Variants in ALK observed in about 807,000 individuals in gnomAD.
ALK encodes ALK receptor tyrosine kinase, also known as ALK tyrosine kinase receptor.
ALK carries 74 observed loss-of-function variants against 163.1 expected under a neutral mutation model. The observed-to-expected ratio is 0.45, with a 90% CI of 0.38 to 0.55. ALK has a LOEUF of 0.55. Among genes scored for constraint, ALK ranks in the 20% least tolerant of loss-of-function variants. ALK has a pLI of 0.00. For synonymous variants in ALK, 960 were observed against 843.2 expected, an observed-to-expected ratio of 1.14 and a Z score of -2.40; for missense variants, 2,063 against 2,105.3, an observed-to-expected ratio of 0.98 and a Z score of 0.39.
At chr2:29,843,957 C>A (rs1365518997) in intron 1 of ALK, among the ~76,000 whole-genome samples, 3 of 151,874 alleles carry the variant, frequency 2.0e-5, no homozygotes, top group Admixed American at 2.0e-4. Flanking sequence ...TAATTAATCT[C>A]AAAAACAGAG....
chr2:29,903,022 A>C (rs985604558), intron 1 of ALK, among the ~76,000 whole-genome samples: 9 of 152,230 alleles, frequency 5.9e-5, no homozygotes, highest in African/African-American at 1.7e-4. Flanking sequence ...TTAAATGAAG[A>C]TCATGAAACT....
At chr2:29,212,487 G>C (rs1669491393) in intron 24 of ALK, among the ~76,000 whole-genome samples, 2 of 152,170 alleles carry the variant, frequency 1.3e-5, no homozygotes, top group African/African-American at 4.8e-5. Flanking sequence ...GAAGCAGTAT[G>C]ACCTGCAAGT....
chr2:29,669,218 G>A (rs1387076058), intron 3 of ALK, among the ~76,000 whole-genome samples: 2 of 151,980 alleles, frequency 1.3e-5, no homozygotes, highest in Non-Finnish European at 2.9e-5. Context: ...ACTATTATTG[G>A]ACTGTAGTCT....
At chr2:29,507,278 C>T (rs747841338) in intron 4 of ALK, among the ~76,000 whole-genome samples, 6 of 152,132 alleles carry the variant, frequency 3.9e-5, no homozygotes, top group Non-Finnish European at 5.9e-5. Flanking sequence ...AATCACAAAA[C>T]GACAAATACC....
intron 5 of ALK, among the ~76,000 whole-genome samples, chr2:29,355,176 T>C (rs1668218015): frequency 6.6e-6 from 1 of 152,198 alleles, no homozygotes; most frequent in Admixed American, 6.5e-5. Flanking sequence ...CACAGTTGAG[T>C]AGAGATTAAC....
chr2:29,475,180 C>A (rs114022529), intron 4 of ALK, among the ~76,000 whole-genome samples: 2 of 152,098 alleles, frequency 1.3e-5, no homozygotes, highest in Non-Finnish European at 2.9e-5. Context: ...AGGCAGTGGG[C>A]GAGGTCAGAG....
chr2:29,838,347 A>G (rs529354953), intron 1 of ALK, among the ~76,000 whole-genome samples: 27 of 152,306 alleles, frequency 1.8e-4, no homozygotes, highest in African/African-American at 5.3e-4. Context: ...GATGAAAAAT[A>G]CAAATCTACA....
At chr2:29,677,070 T>G (rs1208358128) in intron 3 of ALK, among the ~76,000 whole-genome samples, 1 of 152,098 alleles carries the variant, frequency 6.6e-6, no homozygotes, top group Non-Finnish European at 1.5e-5. Context: ...ATTCATCTTA[T>G]CTGCTAATAA....
At chr2:29,320,655 G>T (rs1667004676) in intron 7 of ALK, 96 bp downstream of exon 7, 3 of 1,558,012 alleles carry the variant, frequency 1.9e-6, no homozygotes, top group Admixed American at 3.3e-5. Flanking sequence ...ACCCGAGCTT[G>T]CCCTGCAGGT....
intron 1 of ALK, among the ~76,000 whole-genome samples, chr2:29,885,612 G>A (rs1171921049): frequency 1.3e-5 from 2 of 151,740 alleles, no homozygotes; most frequent in Non-Finnish European, 2.9e-5. Context: ...ATGGGTGTTG[G>A]AGAAGTTCAA....
At chr2:29,317,957 A>C (rs1666883034) in intron 8 of ALK, among the ~76,000 whole-genome samples, 1 of 152,262 alleles carries the variant, frequency 6.6e-6, no homozygotes, top group African/African-American at 2.4e-5. Context: ...AATGTATTAC[A>C]AGAGCTCAAT....
intron 1 of ALK, among the ~76,000 whole-genome samples, chr2:29,834,774 T>G (rs1665513873): frequency 6.6e-6 from 1 of 152,224 alleles, no homozygotes; most frequent in African/African-American, 2.4e-5. Context: ...TGTGGTGACC[T>G]GAGAAGTCTT....
chr2:29,261,322 T>C (rs750394854), intron 11 of ALK, among the ~76,000 whole-genome samples: 37 of 152,270 alleles, frequency 2.4e-4, no homozygotes, highest in Non-Finnish European at 4.3e-4. Flanking sequence ...TTGCTGTCAA[T>C]ATTGTTCATG....
intron 1 of ALK, among the ~76,000 whole-genome samples, chr2:29,871,096 A>G (rs1022524836): frequency 8.5e-5 from 13 of 152,192 alleles, no homozygotes; most frequent in African/African-American, 2.9e-4. Flanking sequence ...GTCAACACGC[A>G]TGAACCTTGG....
At position 29,650,935 on chromosome 2, in the gene ALK, C is replaced by T. The variant is rs538017054; in HGVS notation, c.952+43915G>A. 7.2e-5 allele frequency among the ~76,000 whole-genome samples: 11 copies of T among 152,166 alleles called. No individual in the cohort carries two copies. The South Asian group carries it at 1.9e-3, about 26-fold the overall frequency. ...GATGCACCAAACGAATTAAATCATG[C>T]GATAATTCAATTGGAAAATTGGGTG... On this transcript the variant is annotated intron_variant, in intron 3 of 28. Transcript: ENST00000389048.
chr2:29,222,935 A>G (rs909918252), intron 20 of ALK, among the ~76,000 whole-genome samples: 4 of 152,174 alleles, frequency 2.6e-5, no homozygotes, highest in African/African-American at 9.7e-5. Flanking sequence ...GGGGAGGTTC[A>G]TGCTCCTTGG....
chr2:29,710,123 T>C (rs559561815), intron 2 of ALK, among the ~76,000 whole-genome samples: 78 of 152,292 alleles, frequency 5.1e-4, no homozygotes, highest in Admixed American at 8.5e-4. Context: ...AGTTTTATAA[T>C]GTGGAGTTCC....
intron 4 of ALK, among the ~76,000 whole-genome samples, chr2:29,478,079 C>G (rs1045661525): frequency 2.0e-5 from 3 of 152,226 alleles, no homozygotes; most frequent in Non-Finnish European, 4.4e-5. Context: ...GAGACTGTCT[C>G]ACTCTCAGCT....
chr2:29,803,591 C>A (rs1248121732), intron 1 of ALK, among the ~76,000 whole-genome samples: 4 of 152,174 alleles, frequency 2.6e-5, no homozygotes, highest in Non-Finnish European at 4.4e-5. Context: ...ACCATTATTT[C>A]CGATTGCTCT....
Sources: gnomAD v4.1 joint callset for allele counts (sites outside exome capture counted in the v4.1 genomes callset) on GRCh38, gnomAD v4.1.1 for gene constraint, MANE v1.5 for transcripts, NCBI Gene and HGNC (gene_info 2026-07-23, HGNC 2026-07-21) for gene names.